CDKAL1: variants seen among roughly 807,000 people sequenced by gnomAD.
CDKAL1 encodes the protein threonylcarbamoyladenosine tRNA methylthiotransferase.
In CDKAL1, 32 loss-of-function variants were observed where a neutral mutation model predicts 68.2. That is an observed-to-expected ratio of 0.47 (90% confidence interval 0.35 to 0.63). The LOEUF is 0.63. Among genes scored for constraint, CDKAL1 ranks in the 30% least tolerant of loss-of-function variants. The pLI is 0.00. For missense variants in CDKAL1, 606 were observed against 696.7 expected (o/e 0.87, Z 1.47); for synonymous variants, 234 against 244.3 (o/e 0.96, Z 0.39).
At chr6:20,630,537 G>A (rs542315227) in intron 4 of CDKAL1, among the ~76,000 whole-genome samples, 1 of 151,644 alleles carries the variant, frequency 6.6e-6, no homozygotes, top group East Asian at 1.9e-4. Flanking sequence ...AGAGTGGTTA[G>A]AGATAATTTA....
intron 12 of CDKAL1, among the ~76,000 whole-genome samples, chr6:21,096,455 C>T (rs1028174543): frequency 1.3e-5 from 2 of 152,106 alleles, no homozygotes; most frequent in African/African-American, 4.8e-5. Flanking sequence ...AGTAAAGGCA[C>T]ATTACCATCT....
chr6:20,729,911 C>T (rs1772830526), intron 5 of CDKAL1, among the ~76,000 whole-genome samples: 1 of 152,222 alleles, frequency 6.6e-6, no homozygotes, highest in Non-Finnish European at 1.5e-5. Context: ...GCCAGGCATA[C>T]TCTAAGCCTG....
chr6:20,803,863 G>T (rs929343453), intron 8 of CDKAL1, among the ~76,000 whole-genome samples: 25 of 152,108 alleles, frequency 1.6e-4, no homozygotes, highest in Admixed American at 8.5e-4. Context: ...GTAAGTTTCC[G>T]GAGCATATGG....
chr6:20,613,335 C>T (rs1215384446), intron 4 of CDKAL1, among the ~76,000 whole-genome samples: 4 of 127,618 alleles, frequency 3.1e-5, no homozygotes, highest in African/African-American at 5.9e-5. Context: ...AGTGCAGTGG[C>T]GTGATCTCAG....
At chr6:21,006,013 G>A (rs1242735115) in intron 11 of CDKAL1, among the ~76,000 whole-genome samples, 1 of 152,030 alleles carries the variant, frequency 6.6e-6, no homozygotes, top group African/African-American at 2.4e-5. Context: ...TGGCTTTATG[G>A]CAGGATGATG....
chr6:20,860,260 G>A (rs575170964), intron 9 of CDKAL1, among the ~76,000 whole-genome samples: 5 of 151,982 alleles, frequency 3.3e-5, no homozygotes, highest in Admixed American at 2.6e-4. Context: ...TGTATTTTTA[G>A]TAGTGATGGG....
At position 20,545,677 on chromosome 6, in the gene CDKAL1, G is replaced by A. The variant is rs556335090; in HGVS notation, c.-5-669G>A. 2.0e-5 allele frequency among the ~76,000 whole-genome samples: 3 copies of A among 152,208 alleles called. No individual in the cohort carries two copies. The East Asian group carries it at 5.8e-4, about 29-fold the overall frequency. ...TCTCAAACGCCTGACCTCAAGTTAT[G>A]CGCCCACCTCCCCAAAGTGCTGGGA... is the stretch of plus-strand genomic sequence containing the variant. On this transcript the variant is annotated intron_variant, in intron 2 of 15. Coordinates refer to ENST00000274695, the MANE Select transcript of CDKAL1 (RefSeq NM_017774.3).
chr6:20,582,123 C>T (rs1053140904), intron 4 of CDKAL1, among the ~76,000 whole-genome samples: 9 of 152,076 alleles, frequency 5.9e-5, no homozygotes, highest in African/African-American at 1.9e-4. Flanking sequence ...GAGACCTTTA[C>T]ATTTATATGA....
Position 20,752,346 on chromosome 6 carries a change from TC to T in CDKAL1, c.469-6247del, listed in dbSNP as rs1773962902. On this transcript the variant is annotated intron_variant, in intron 6 of 15. Transcript: ENST00000274695. The stretch of plus-strand genomic sequence containing the variant: ...TATCATGTGTTGGCAATATTCCACT[TC>T]CTGCCATAAAAGCAAATGTAATCAA... Among the ~76,000 whole-genome samples, 3 of 152,236 alleles carry T rather than the reference TC, an allele frequency of 2.0e-5. No homozygotes were observed. In the South Asian group the frequency reaches 6.2e-4, roughly 32 times the overall value.
At chr6:20,776,414 G>T (rs1186538326) in intron 7 of CDKAL1, among the ~76,000 whole-genome samples, 1 of 152,132 alleles carries the variant, frequency 6.6e-6, no homozygotes, top group Non-Finnish European at 1.5e-5. Context: ...TTTTCAGAAC[G>T]AATAAAGTAC....
At chr6:20,840,500 A>G (rs1778131837) in intron 8 of CDKAL1, among the ~76,000 whole-genome samples, 1 of 152,228 alleles carries the variant, frequency 6.6e-6, no homozygotes, top group South Asian at 2.1e-4. Flanking sequence ...TGCAGGGGAA[A>G]CTAACTCCGA....
At chr6:21,161,315 G>A (rs1181429041) in intron 13 of CDKAL1, among the ~76,000 whole-genome samples, 1 of 152,002 alleles carries the variant, frequency 6.6e-6, no homozygotes, top group African/African-American at 2.4e-5. Flanking sequence ...TACAGCACCA[G>A]ATCAGTAAAC....
chr6:20,980,430 G>T (rs967796048), intron 10 of CDKAL1, among the ~76,000 whole-genome samples: 1 of 151,918 alleles, frequency 6.6e-6, no homozygotes, highest in Non-Finnish European at 1.5e-5. Context: ...GTAGAGACAG[G>T]GTTTCACCGT....
chr6:21,222,429 G>A (rs1356172291), intron 15 of CDKAL1, among the ~76,000 whole-genome samples: 3 of 152,210 alleles, frequency 2.0e-5, no homozygotes, highest in African/African-American at 7.2e-5. Context: ...AAAAGAAATG[G>A]AAAGGAGCGA....
At chr6:20,664,877 G>T (rs1254373746) in intron 5 of CDKAL1, among the ~76,000 whole-genome samples, 1 of 152,050 alleles carries the variant, frequency 6.6e-6, no homozygotes, top group Non-Finnish European at 1.5e-5. Flanking sequence ...GGGGTATACA[G>T]CATAATTAGA....
At chr6:21,068,142 A>C (rs1180309203) in intron 12 of CDKAL1, among the ~76,000 whole-genome samples, 1 of 152,150 alleles carries the variant, frequency 6.6e-6, no homozygotes, top group Non-Finnish European at 1.5e-5. Flanking sequence ...TGGTAATTTA[A>C]ATATCTTCTT....
In CDKAL1 at chr6:21,065,039, A is replaced by T. The variant is rs777086870; in HGVS notation, c.1056-9A>T. 6.6e-7 allele frequency: 1 copy of T among 1,516,680 alleles called. No individual in the cohort carries two copies. Among genetic ancestry groups the T allele is most frequent in the East Asian group, 2.4e-5 (1 of 41,976 alleles). 94.0% of individuals were successfully genotyped at this position (1,516,680 alleles called of 1,614,324 possible). A position where few individuals can be genotyped will look rare whatever the true frequency, so the allele number is the denominator to read the frequency against. On this transcript the variant is annotated splice_polypyrimidine_tract_variant and intron_variant, in intron 11 of 15. Transcript: ENST00000274695. ...CAAGTTTTTACATTTTTGTCTTGTT[A>T]TTTTCTAGAGTTCCTGGAATAACTA...
chr6:20,837,914 T>C (rs1005667010), intron 8 of CDKAL1, among the ~76,000 whole-genome samples: 3 of 141,358 alleles, frequency 2.1e-5, no homozygotes, highest in Non-Finnish European at 4.6e-5. Flanking sequence ...TAGAGAACAG[T>C]TAGGGGTGGA....
chr6:21,059,851 AC>A (rs1363870486), intron 11 of CDKAL1, among the ~76,000 whole-genome samples: 1 of 151,596 alleles, frequency 6.6e-6, no homozygotes, highest in Non-Finnish European at 1.5e-5. Flanking sequence ...ATTTTAGTGT[AC>A]CCTTCACCCA....
Sources: gnomAD v4.1 joint callset for allele counts (sites outside exome capture counted in the v4.1 genomes callset) on GRCh38, gnomAD v4.1.1 for gene constraint, MANE v1.5 for transcripts, NCBI Gene and HGNC (gene_info 2026-07-23, HGNC 2026-07-21) for gene names.